The following TNFRSF1B variants were observed in gnomAD, a reference collection of about 807,000 sequenced individuals.
The protein encoded by TNFRSF1B is TNF receptor superfamily member 1B.
Under a neutral mutation model 44.6 loss-of-function variants are expected in TNFRSF1B, and 19 were observed. The ratio of observed to expected loss-of-function variants is 0.43; its 90% confidence interval spans 0.30 to 0.62. The LOEUF (loss-of-function observed/expected upper bound fraction) is 0.62, where lower values mean the gene tolerates loss of function less well. TNFRSF1B is among the 20% of genes least tolerant of loss of function. The pLI is 0.16. For missense variants in TNFRSF1B, 541 were observed against 619.9 expected (o/e 0.87, Z 1.35); for synonymous variants, 252 against 261.1 (o/e 0.97, Z 0.34).
Position 12,177,197 on chromosome 1 carries a change from G to T in TNFRSF1B, c.78+10028G>T, listed in dbSNP as rs1638679099. Among the ~76,000 whole-genome samples the T allele has an allele frequency of 6.6e-6, 1 of 152,062 alleles. No individual in the cohort carries two copies. Among genetic ancestry groups the T allele is most frequent in the Non-Finnish European group, 1.5e-5 (1 of 67,994 alleles). On this transcript the variant is annotated intron_variant, in intron 1 of 9. Coordinates refer to ENST00000376259, the MANE Select transcript of TNFRSF1B (RefSeq NM_001066.3). The surrounding 1 kb of genome is among the most constrained non-coding windows in gnomAD (Gnocchi z 4.3). ...TTTTGTATTTTTTTTAGTAGAGATGGTGTTTCGCCATGTTGGCCCGGCTGG... is the reference window on the plus strand; with the variant it reads ...TTTTGTATTTTTTTTAGTAGAGATGTTGTTTCGCCATGTTGGCCCGGCTGG...
Position 12,202,009 on chromosome 1 carries a change from G to T in TNFRSF1B, c.943G>T (p.Glu315Ter). 1.2e-6 allele frequency: 2 copies of T among 1,613,036 alleles called. No homozygotes were observed. Among genetic ancestry groups the T allele is most frequent in the Non-Finnish European group, 1.7e-6 (2 of 1,179,838 alleles). ...TAAGGCCCGGGGTACACAGGGCCCC[G>T]AGCAGCAGCACCTGCTGATCACAGC... Reference protein sequence around the residue: ...ADKARGTQGPEQQHLLITAPS... With the variant: ...ADKARGTQGP Residue 315 changes from glutamate to a stop codon, truncating the protein, a stop_gained, in exon 9 of 10, where the codon GAG (glutamate) becomes TAG (stop). Transcript: ENST00000376259. LOFTEE classifies it high-confidence loss of function.
At chr1:12,194,112 C>A in intron 7 of TNFRSF1B, 80 bp downstream of exon 7, 2 of 1,187,736 alleles carry the variant, frequency 1.7e-6, no homozygotes, top group Non-Finnish European at 2.5e-6. Flanking sequence ...CAGCACTGGG[C>A]ACAGCCTTAG....
In TNFRSF1B at chr1:12,177,984, C is replaced by A. The variant is rs1251842682; in HGVS notation, c.79-10812C>A. Among the ~76,000 whole-genome samples the A allele has an allele frequency of 6.6e-6, 1 of 152,096 alleles. No individual in the cohort carries two copies. The highest frequency in any genetic ancestry group is 6.5e-5 in the Admixed American group (1 of 15,276). On this transcript the variant is annotated intron_variant, in intron 1 of 9. Transcript: ENST00000376259. This position sits in a 1 kb window ranked among gnomAD's most constrained non-coding sequence, Gnocchi z 4.3. ...ATTAACTGACGTACTTAGGGTTTTGCAGCTCACTAGAGGCAGAGCCAAGAC... is the reference window on the plus strand; with the variant it reads ...ATTAACTGACGTACTTAGGGTTTTGAAGCTCACTAGAGGCAGAGCCAAGAC...
At position 12,178,740 on chromosome 1, in the gene TNFRSF1B, G is replaced by A. The variant is rs899303387; in HGVS notation, c.79-10056G>A. On this transcript the variant is annotated intron_variant, in intron 1 of 9. Coordinates refer to ENST00000376259, the MANE Select transcript of TNFRSF1B (RefSeq NM_001066.3). The surrounding 1 kb of genome is among the most constrained non-coding windows in gnomAD (Gnocchi z 4.3). ...CAGCAGTACGGGCATGGAGAAGGGGGCGGAGGAGCCAGGTGCTGCTTTGTG... is the reference window on the plus strand; with the variant it reads ...CAGCAGTACGGGCATGGAGAAGGGGACGGAGGAGCCAGGTGCTGCTTTGTG... 2.0e-5 allele frequency among the ~76,000 whole-genome samples: 3 copies of A among 152,188 alleles called. No homozygotes were observed. Among genetic ancestry groups the A allele is most frequent in the Admixed American group, 6.5e-5 (1 of 15,282 alleles).
At chr1:12,198,515 C>T (rs1457402227) in intron 8 of TNFRSF1B, among the ~76,000 whole-genome samples, 2 of 152,106 alleles carry the variant, frequency 1.3e-5, no homozygotes, top group African/African-American at 2.4e-5. Flanking sequence ...TTCACACCCT[C>T]ACGCCTGTAG....
chr1:12,187,978 G>T lies in TNFRSF1B; in HGVS notation c.79-818G>T, dbSNP rs1409172198. Among the ~76,000 whole-genome samples the T allele has an allele frequency of 2.0e-5, 3 of 152,210 alleles. No individual in the cohort carries two copies. The highest frequency in any genetic ancestry group is 4.4e-5 in the Non-Finnish European group (3 of 68,022). ...GGTGCCCTGCTGGCAGCAGGGGTCT[G>T]AGTGGGGTGCAACAGCACCCACCAA... On this transcript the variant is annotated intron_variant, in intron 1 of 9. Coordinates refer to ENST00000376259, the MANE Select transcript of TNFRSF1B (RefSeq NM_001066.3). The surrounding 1 kb of genome is among the most constrained non-coding windows in gnomAD (Gnocchi z 5.5).
chr1:12,183,718 TAC>T (rs1491116281), intron 1 of TNFRSF1B, among the ~76,000 whole-genome samples: 20 of 108,130 alleles, frequency 1.8e-4, no homozygotes, highest in African/African-American at 2.7e-4. Context: ...CTATTCTATC[TAC>T]CTATCTATCT....
rs920812164 is a variant in TNFRSF1B at position 12,191,008 on chromosome 1, C to A, written c.230C>A (p.Ser77Tyr). Residue 77 changes from serine to tyrosine, a missense_variant, in exon 3 of 10, where the codon TCC (serine) becomes TAC (tyrosine). Physicochemically the swap from Ser to Tyr is moderately radical, Grantham distance 144. Transcript: ENST00000376259. ...AAGACCTCGGACACCGTGTGTGACT[C>A]CTGTGAGGACAGCACATACACCCAG... is the stretch of plus-strand genomic sequence containing the variant. ...CTKTSDTVCD[S>Y]CEDSTYTQLW... The A allele has an allele frequency of 1.2e-6, 2 of 1,614,208 alleles. No homozygotes were observed. The highest frequency in any genetic ancestry group is 1.7e-6 in the Non-Finnish European group (2 of 1,180,038).
intron 9 of TNFRSF1B, among the ~76,000 whole-genome samples, chr1:12,204,563 T>C (rs905007789): frequency 2.6e-5 from 4 of 152,154 alleles, no homozygotes; most frequent in African/African-American, 9.7e-5. Flanking sequence ...GGCTACTTAC[T>C]GTATGCCAGT....
chr1:12,177,794 C>CA lies in TNFRSF1B; in HGVS notation c.78+10641dup, dbSNP rs113097991. On this transcript the variant is annotated intron_variant, in intron 1 of 9. Transcript: ENST00000376259. The surrounding 1 kb of genome is among the most constrained non-coding windows in gnomAD (Gnocchi z 4.3). ...GGGTGACAGGGTGAGATTCTGTCTC[C>CA]AAAAAAAAAAAAAAAAGAAGAGCTG... Among the ~76,000 whole-genome samples the CA allele has an allele frequency of 0.11, 12,790 of 111,238 alleles. 713 individuals carry two copies. The highest frequency in any genetic ancestry group is 0.17 in the East Asian group (655 of 3,958). 73.0% of individuals were successfully genotyped at this position (111,238 alleles called of 152,430 possible).
At chr1:12,204,814 C>A (rs235218) in intron 9 of TNFRSF1B, among the ~76,000 whole-genome samples, 12,836 of 150,204 alleles carry the variant, frequency 0.085, 687 homozygotes, top group African/African-American at 0.16. Flanking sequence ...ACCACCACCA[C>A]CAACAAAAAA....
At position 12,208,036 on chromosome 1, in the gene TNFRSF1B, C is replaced by T. The variant is rs1639551682; in HGVS notation, c.*1016C>T. 6.6e-6 allele frequency: 1 copy of T among 152,228 alleles called. No homozygotes were observed. Among genetic ancestry groups the T allele is most frequent in the Admixed American group, 6.5e-5 (1 of 15,288 alleles). 9.4% of individuals were successfully genotyped at this position (152,228 alleles called of 1,614,324 possible). A position where few individuals can be genotyped will look rare whatever the true frequency, so the allele number is the denominator to read the frequency against. On this transcript the variant is annotated 3_prime_UTR_variant, in exon 10 of 10. Transcript: ENST00000376259. The stretch of plus-strand genomic sequence containing the variant: ...GTGCTGTGGCCTGGGCAAGATAACG[C>T]ACTTCTAACTAGAAATCTGCCAATT...
chr1:12,167,124 C>G lies in TNFRSF1B; in HGVS notation c.33C>G (p.Ala11=). The G allele has an allele frequency of 7.4e-7, 1 of 1,354,862 alleles. No individual in the cohort carries two copies. 83.9% of individuals were successfully genotyped at this position (1,354,862 alleles called of 1,614,324 possible). A position where few individuals can be genotyped will look rare whatever the true frequency, so the allele number is the denominator to read the frequency against. ...CCGTCGCCGTCTGGGCCGCGCTGGC[C>G]GTCGGACTGGAGCTCTGGGCTGCGG... MAPVAVWAAL[A]VGLELWAAAH... Residue 11 remains alanine (A), a synonymous_variant, in exon 1 of 10, where the codon GCC becomes GCG. Coordinates refer to ENST00000376259, the MANE Select transcript of TNFRSF1B (RefSeq NM_001066.3).
chr1:12,174,710 C>T (rs597991), intron 1 of TNFRSF1B, among the ~76,000 whole-genome samples: 1 of 152,152 alleles, frequency 6.6e-6, no homozygotes, highest in Non-Finnish European at 1.5e-5. Context: ...CCTTCTCAGG[C>T]CCCAGGAGGG....
At position 12,187,135 on chromosome 1, in the gene TNFRSF1B, C is replaced by T. The variant is rs1639004026; in HGVS notation, c.79-1661C>T. On this transcript the variant is annotated intron_variant, in intron 1 of 9. Transcript: ENST00000376259. This position sits in a 1 kb window ranked among gnomAD's most constrained non-coding sequence, Gnocchi z 5.5. ...GCTGTAGCTTCTCTGGGTGCCTTTG[C>T]TTTTCTCTTTTCTCCCCTCTTTTTT... Among the ~76,000 whole-genome samples, 1 of 151,028 alleles carries T rather than the reference C, an allele frequency of 6.6e-6. No homozygotes were observed. The highest frequency in any genetic ancestry group is 2.1e-4 in the South Asian group (1 of 4,796).
Position 12,184,345 on chromosome 1 carries a change from A to ATTTTT in TNFRSF1B, c.79-4440_79-4436dup, listed in dbSNP as rs544768786. ...TTGTTTAGCCATGACAAGGCTGTGGATTTTTTTTTTTTTTTCTGTCCAAGA... is the reference window on the plus strand; with the variant it reads ...TTGTTTAGCCATGACAAGGCTGTGGATTTTTTTTTTTTTTTTTTTTCTGTCCAAGA... On this transcript the variant is annotated intron_variant, in intron 1 of 9. Transcript: ENST00000376259. 8.6e-5 allele frequency among the ~76,000 whole-genome samples: 12 copies of ATTTTT among 139,842 alleles called. 1 individual carries two copies. Among genetic ancestry groups the ATTTTT allele is most frequent in the Admixed American group, 3.6e-4 (5 of 14,060 alleles). 91.7% of individuals were successfully genotyped at this position (139,842 alleles called of 152,430 possible).
Position 12,167,006 on chromosome 1 carries a change from A to C in TNFRSF1B, c.-86A>C. On this transcript the variant is annotated 5_prime_UTR_variant, in exon 1 of 10. Coordinates refer to ENST00000376259, the MANE Select transcript of TNFRSF1B (RefSeq NM_001066.3). ...TTTCGCTTTCAGTCGAGGGCTAGCG[A>C]GCGCAGCGGAGCCTGGAGAGAAGGC... 1.9e-6 allele frequency: 2 copies of C among 1,027,720 alleles called. No individual in the cohort carries two copies. Among genetic ancestry groups the C allele is most frequent in the Non-Finnish European group, 2.5e-6 (2 of 799,846 alleles). 63.7% of individuals were successfully genotyped at this position (1,027,720 alleles called of 1,614,324 possible). A position where few individuals can be genotyped will look rare whatever the true frequency, so the allele number is the denominator to read the frequency against.
rs1638909500 is a variant in TNFRSF1B, at chr1:12,183,817, TTCTATCTACCTATCTATCTA to T, written c.79-4970_79-4951del. Among the ~76,000 whole-genome samples, 2 of 110,386 alleles carry T rather than the reference TTCTATCTACCTATCTATCTA, an allele frequency of 1.8e-5. 1 individual carries two copies. Among genetic ancestry groups the T allele is most frequent in the African/African-American group, 6.6e-5 (2 of 30,328 alleles). 72.4% of individuals were successfully genotyped at this position (110,386 alleles called of 152,430 possible). ...ATCTATCTATCTAGCTATCTATCTATTCTATCTACCTATCTATCTATCTATCTATCTATCTACCTACCTAC... is the reference window on the plus strand; with the variant it reads ...ATCTATCTATCTAGCTATCTATCTATTCTATCTATCTATCTACCTACCTAC... On this transcript the variant is annotated intron_variant, in intron 1 of 9. Transcript: ENST00000376259.
chr1:12,200,293 A>G (rs1017057772), intron 8 of TNFRSF1B, among the ~76,000 whole-genome samples: 10 of 152,104 alleles, frequency 6.6e-5, no homozygotes, highest in Non-Finnish European at 1.5e-4. Context: ...GGAAGAAGAC[A>G]TCAGGGGAAG....
Sources: gnomAD v4.1 joint callset for allele counts (sites outside exome capture counted in the v4.1 genomes callset) on GRCh38, gnomAD v4.1.1 for gene constraint, Gnocchi (gnomAD v3.1) non-coding constraint, MANE v1.5 for transcripts, NCBI Gene and HGNC (gene_info 2026-07-23, HGNC 2026-07-21) for gene names.